The following LAMA2 variants were observed in gnomAD, a reference collection of about 807,000 sequenced individuals.
LAMA2 encodes laminin subunit alpha 2.
LAMA2 carries 269 observed loss-of-function variants against 364.8 expected under a neutral mutation model. The ratio of observed to expected loss-of-function variants is 0.74; its 90% CI spans 0.67 to 0.82. The LOEUF (loss-of-function observed/expected upper bound fraction) is 0.82. LAMA2 is among the 40% of genes least tolerant of loss of function. LAMA2 has a pLI of 0.00. For missense variants in LAMA2, 3,807 were observed against 3,873.2 expected, an observed-to-expected ratio of 0.98 and a Z score of 0.45; for synonymous variants, 1,379 against 1,370.6, an observed-to-expected ratio of 1.01 and a Z score of -0.14.
intron 51 of LAMA2, among the ~76,000 whole-genome samples, chr6:129,468,142 C>T (rs1783637835): frequency 6.6e-6 from 1 of 151,788 alleles, no homozygotes; most frequent in Non-Finnish European, 1.5e-5. Flanking sequence ...CAGTCATTCT[C>T]ACTTTTATTT....
chr6:129,367,410 A>T (rs1460785737), intron 33 of LAMA2, among the ~76,000 whole-genome samples: 1 of 152,250 alleles, frequency 6.6e-6, no homozygotes, highest in Admixed American at 6.5e-5. Flanking sequence ...TCAAGCAATT[A>T]GCAAGAATAC....
chr6:129,357,530 A>T (rs1329704205), intron 32 of LAMA2, among the ~76,000 whole-genome samples: 2 of 152,166 alleles, frequency 1.3e-5, no homozygotes, highest in African/African-American at 4.8e-5. Context: ...AAAATAAAAC[A>T]TACACTTTGC....
intron 1 of LAMA2, among the ~76,000 whole-genome samples, chr6:128,918,242 C>T (rs1778470944): frequency 6.6e-6 from 1 of 151,960 alleles, no homozygotes; most frequent in Non-Finnish European, 1.5e-5. Context: ...TTTAAATTTC[C>T]TAAATTTATA....
At chr6:129,370,052 A>C in intron 34 of LAMA2, 62 bp downstream of exon 34, 1 of 1,334,138 alleles carries the variant, frequency 7.5e-7, no homozygotes, top group Non-Finnish European at 1.1e-6. Context: ...AAGGAAAATT[A>C]CTTCAAAGTT....
At chr6:129,188,488 C>T (rs1367043646) in intron 10 of LAMA2, among the ~76,000 whole-genome samples, 4 of 151,916 alleles carry the variant, frequency 2.6e-5, no homozygotes, top group African/African-American at 9.7e-5. Flanking sequence ...AACAGCTGTA[C>T]TGTGTCCTCA....
chr6:129,210,822 A>G (rs536238938), intron 12 of LAMA2, among the ~76,000 whole-genome samples: 6 of 152,332 alleles, frequency 3.9e-5, no homozygotes, highest in African/African-American at 7.2e-5. Flanking sequence ...TGGTTACAGT[A>G]TGAGACAGAT....
chr6:129,058,990 G>A (rs1483159370), intron 2 of LAMA2, among the ~76,000 whole-genome samples: 1 of 152,180 alleles, frequency 6.6e-6, no homozygotes. Context: ...GCAGATAGTG[G>A]TTTGTAACAA....
chr6:129,157,919 C>G (rs535281324), intron 8 of LAMA2: 2 of 1,614,058 alleles, frequency 1.2e-6, no homozygotes, highest in African/African-American at 2.7e-5. Context: ...TGGTGCCCAC[C>G]CTGGTATTCA....
At chr6:129,225,617 G>C (rs1315848101) in intron 12 of LAMA2, among the ~76,000 whole-genome samples, 1 of 152,182 alleles carries the variant, frequency 6.6e-6, no homozygotes, top group African/African-American at 2.4e-5. Flanking sequence ...GGAACAGGTT[G>C]TTCAGTTTCC....
At chr6:129,199,647 T>A (rs1308955986) in intron 12 of LAMA2, among the ~76,000 whole-genome samples, 5 of 152,158 alleles carry the variant, frequency 3.3e-5, no homozygotes, top group Non-Finnish European at 5.9e-5. Flanking sequence ...AAAATTAATA[T>A]ACAAAAGTCA....
At chr6:128,905,090 A>G (rs1370628192) in intron 1 of LAMA2, among the ~76,000 whole-genome samples, 3 of 152,242 alleles carry the variant, frequency 2.0e-5, no homozygotes, top group Non-Finnish European at 4.4e-5. Context: ...GAAACTGGAT[A>G]ACTTTAAAAA....
intron 1 of LAMA2, among the ~76,000 whole-genome samples, chr6:128,883,801 TACACACACACACAC>T (rs71543146): frequency 6.6e-5 from 9 of 135,984 alleles, no homozygotes; most frequent in Non-Finnish European, 1.4e-4. Flanking sequence ...TATATATATA[TACACACACACACAC>T]ACACACACAC....
At chr6:129,474,174 C>T (rs1783954319) in intron 52 of LAMA2, among the ~76,000 whole-genome samples, 1 of 151,952 alleles carries the variant, frequency 6.6e-6, no homozygotes, top group Admixed American at 6.6e-5. Flanking sequence ...AAAGTTCTGT[C>T]CAGGTGTTTC....
At chr6:129,023,099 C>T (rs1335551407) in intron 1 of LAMA2, among the ~76,000 whole-genome samples, 1 of 152,166 alleles carries the variant, frequency 6.6e-6, no homozygotes, top group Non-Finnish European at 1.5e-5. Context: ...CATGTTCCTG[C>T]TGCCTCATAT....
At chr6:129,210,999 G>A (rs1199721798) in intron 12 of LAMA2, among the ~76,000 whole-genome samples, 1 of 152,050 alleles carries the variant, frequency 6.6e-6, no homozygotes, top group Admixed American at 6.5e-5. Flanking sequence ...ATGTCCCCAC[G>A]GCCTCATCTG....
chr6:129,009,699 T>C (rs1183578798), intron 1 of LAMA2, among the ~76,000 whole-genome samples: 3 of 152,178 alleles, frequency 2.0e-5, no homozygotes, highest in Non-Finnish European at 2.9e-5. Context: ...TTTAAACCCT[T>C]GAATATGGTA....
chr6:129,477,764 T>TAA (rs1374294374), intron 53 of LAMA2, among the ~76,000 whole-genome samples: 2 of 152,038 alleles, frequency 1.3e-5, no homozygotes, highest in Non-Finnish European at 2.9e-5. Flanking sequence ...ATCTGTAAAC[T>TAA]AAATTAATCT....
rs116797445 is a variant in LAMA2 at position 129,179,065 on chromosome 6, T to A, written c.1467+1199T>A. ...TAATCTATTACATTTCATTCCAATA[T>A]TATCTGAAATGAAAAATTGCTTGAG... On this transcript the variant is annotated intron_variant, in intron 10 of 64. Coordinates refer to ENST00000421865, the MANE Select transcript of LAMA2 (RefSeq NM_000426.4). Among the ~76,000 whole-genome samples the A allele has an allele frequency of 5.3e-3, 800 of 152,178 alleles. 6 individuals are homozygous for A. Among genetic ancestry groups the A allele is most frequent in the African/African-American group, 0.018 (757 of 41,528 alleles).
At chr6:129,147,937 A>C (rs76148112) in intron 6 of LAMA2, among the ~76,000 whole-genome samples, 4,183 of 136,700 alleles carry the variant, frequency 0.031, 128 homozygotes, top group East Asian at 0.15. Flanking sequence ...TCCATTTTTT[A>C]AAATTTTACT....
Sources: gnomAD v4.1 joint callset for allele counts (sites outside exome capture counted in the v4.1 genomes callset) on GRCh38, gnomAD v4.1.1 for gene constraint, MANE v1.5 for transcripts, NCBI Gene and HGNC (gene_info 2026-07-23, HGNC 2026-07-21) for gene names.